Variants in ADAMTS6 observed in about 807,000 individuals in gnomAD.
The protein encoded by ADAMTS6 is A disintegrin and metalloproteinase with thrombospondin motifs 6.
A neutral mutation model predicts 144.3 loss-of-function variants in ADAMTS6; 23 were observed. That is an observed-to-expected ratio of 0.16 (90% CI 0.11 to 0.23). The LOEUF (loss-of-function observed/expected upper bound fraction) is 0.23, where lower values mean the gene tolerates loss of function less well. ADAMTS6 is among the 10% of genes least tolerant of loss of function. The probability of loss-of-function intolerance (pLI) is 1.00; values close to 1 mark genes in which losing one functional copy is unlikely to be tolerated. For missense variants in ADAMTS6, 999 were observed against 1,379.6 expected (o/e 0.72, Z 4.37); for synonymous variants, 444 against 457.5 (o/e 0.97, Z 0.38).
intron 20 of ADAMTS6, among the ~76,000 whole-genome samples, chr5:65,208,607 C>A (rs1756283189): frequency 6.6e-6 from 1 of 152,078 alleles, no homozygotes; most frequent in African/African-American, 2.4e-5. Flanking sequence ...TTGATTTCAG[C>A]AAATTACTTG....
At chr5:65,236,949 A>C (rs1208110009) in intron 15 of ADAMTS6, among the ~76,000 whole-genome samples, 1 of 152,148 alleles carries the variant, frequency 6.6e-6, no homozygotes, top group Non-Finnish European at 1.5e-5. Context: ...GAAAACACAA[A>C]TTATCAATAC....
chr5:65,299,001 T>C (rs1284195265), intron 10 of ADAMTS6, among the ~76,000 whole-genome samples: 1 of 152,098 alleles, frequency 6.6e-6, no homozygotes, highest in East Asian at 1.9e-4. Context: ...AGAGCCAATT[T>C]TTAAGAAGAA....
intron 11 of ADAMTS6, among the ~76,000 whole-genome samples, chr5:65,278,480 GACA>G (rs979534585): frequency 1.3e-5 from 2 of 152,104 alleles, no homozygotes; most frequent in African/African-American, 2.4e-5. Context: ...TCACATCCAT[GACA>G]ACATCTATTG....
At chr5:65,413,275 T>C (rs926788455) in intron 7 of ADAMTS6, among the ~76,000 whole-genome samples, 6 of 152,060 alleles carry the variant, frequency 3.9e-5, no homozygotes, top group African/African-American at 1.2e-4. Context: ...TTCAAGAAAG[T>C]GAATAAATGA....
At chr5:65,218,657 A>G (rs775177942) in intron 18 of ADAMTS6, among the ~76,000 whole-genome samples, 3 of 152,218 alleles carry the variant, frequency 2.0e-5, no homozygotes, top group Non-Finnish European at 4.4e-5. Flanking sequence ...GGAAACTGAG[A>G]TCTATACAAA....
intron 14 of ADAMTS6, among the ~76,000 whole-genome samples, chr5:65,248,110 C>A (rs1247097155): frequency 6.6e-6 from 1 of 152,154 alleles, no homozygotes; most frequent in Non-Finnish European, 1.5e-5. Context: ...TGCTTCTATA[C>A]CCTCTTTTAA....
chr5:65,383,177 C>T (rs1434785935), intron 7 of ADAMTS6, among the ~76,000 whole-genome samples: 1 of 151,992 alleles, frequency 6.6e-6, no homozygotes, highest in Non-Finnish European at 1.5e-5. Flanking sequence ...ACACTTTTTG[C>T]TCCGACCCCA....
At position 65,459,594 on chromosome 5, in the gene ADAMTS6, A is replaced by G. The variant is rs181190518; in HGVS notation, c.631+576T>C. Among the ~76,000 whole-genome samples the G allele has an allele frequency of 3.9e-5, 6 of 152,282 alleles. No individual in the cohort carries two copies. In the East Asian group the frequency reaches 9.6e-4, roughly 24 times the overall value. On this transcript the variant is annotated intron_variant, in intron 4 of 24. Coordinates refer to ENST00000381055, the MANE Select transcript of ADAMTS6 (RefSeq NM_197941.4). Reference sequence around the variant, plus strand: ...GAGCTTCATAAACACTATTTCCTCTATGTGAAACACTAATAGCCACTGCTT... The same window carrying G: ...GAGCTTCATAAACACTATTTCCTCTGTGTGAAACACTAATAGCCACTGCTT...
intron 7 of ADAMTS6, among the ~76,000 whole-genome samples, chr5:65,421,287 C>T (rs541871102): frequency 6.6e-6 from 1 of 152,246 alleles, no homozygotes; most frequent in East Asian, 1.9e-4. Context: ...TCAGCATTTG[C>T]TTGTCTGAAA....
At chr5:65,205,750 C>G (rs1204094673) in intron 20 of ADAMTS6, among the ~76,000 whole-genome samples, 1 of 152,264 alleles carries the variant, frequency 6.6e-6, no homozygotes, top group East Asian at 1.9e-4. Flanking sequence ...TGTTAGCTGT[C>G]AGGAAAGAAG....
Position 65,260,583 on chromosome 5 carries a change from A to G in ADAMTS6, c.1830+17T>C, listed in dbSNP as rs768457356. 1.1e-4 allele frequency: 181 copies of G among 1,609,340 alleles called. No individual in the cohort carries two copies. Among genetic ancestry groups the G allele is most frequent in the Non-Finnish European group, 1.4e-4 (166 of 1,177,716 alleles). On this transcript the variant is annotated intron_variant, in intron 14 of 24. Transcript: ENST00000381055. ...AGAGTAAGCTAATTTTTCATAACAG[A>G]GTTTGGTTTTACTTACATCTGTGTT...
At chr5:65,174,307 C>T (rs1009761396) in intron 22 of ADAMTS6, among the ~76,000 whole-genome samples, 8 of 152,120 alleles carry the variant, frequency 5.3e-5, no homozygotes, top group East Asian at 1.9e-4. Context: ...GTTCCCTGAC[C>T]GGGAAGCGAG....
intron 14 of ADAMTS6, among the ~76,000 whole-genome samples, chr5:65,255,140 AC>A (rs1188061747): frequency 6.6e-6 from 1 of 152,184 alleles, no homozygotes; most frequent in Non-Finnish European, 1.5e-5. Context: ...GGTGACCCTA[AC>A]CCCATTTTAG....
At position 65,151,964 on chromosome 5, in the gene ADAMTS6, A is replaced by T. The variant is rs866995435; in HGVS notation, c.3245-19T>A. 1 of 1,598,320 alleles carries T rather than the reference A, an allele frequency of 6.3e-7. No individual in the cohort carries two copies. The highest frequency in any genetic ancestry group is 1.3e-5 in the African/African-American group (1 of 74,716). On this transcript the variant is annotated intron_variant, in intron 24 of 24. Coordinates refer to ENST00000381055, the MANE Select transcript of ADAMTS6 (RefSeq NM_197941.4). ...TTGCACTCTAACGAATGGGGGCAGA[A>T]AATGGAAAACAATTAGAGGCACATA...
At position 65,178,380 on chromosome 5, in the gene ADAMTS6, T is replaced by A. The variant is rs553596574; in HGVS notation, c.2911-5372A>T. Among the ~76,000 whole-genome samples, 15 of 152,234 alleles carry A rather than the reference T, an allele frequency of 9.9e-5. No homozygotes were observed. The East Asian group carries it at 2.9e-3, about 29-fold the overall frequency. On this transcript the variant is annotated intron_variant, in intron 22 of 24. Coordinates refer to ENST00000381055, the MANE Select transcript of ADAMTS6 (RefSeq NM_197941.4). ...AAATCAAATAGAGGCAGGATTTGAGTCAATATTTTGGTGGGTGACAGTTAA... is the reference window on the plus strand; with the variant it reads ...AAATCAAATAGAGGCAGGATTTGAGACAATATTTTGGTGGGTGACAGTTAA...
At chr5:65,386,951 G>C (rs1752524293) in intron 7 of ADAMTS6, among the ~76,000 whole-genome samples, 1 of 152,174 alleles carries the variant, frequency 6.6e-6, no homozygotes, top group Admixed American at 6.5e-5. Context: ...CCAAAGATAA[G>C]CACAAAATGA....
At chr5:65,237,636 A>C (rs925288393) in intron 15 of ADAMTS6, among the ~76,000 whole-genome samples, 2 of 152,164 alleles carry the variant, frequency 1.3e-5, no homozygotes, top group Admixed American at 1.3e-4. Context: ...AACTTAGCAA[A>C]GACATCATAA....
intron 7 of ADAMTS6, among the ~76,000 whole-genome samples, chr5:65,395,416 T>A (rs747040018): frequency 2.1e-4 from 32 of 152,088 alleles, no homozygotes; most frequent in Non-Finnish European, 4.3e-4. Context: ...CCACAGGAAA[T>A]TTTTTTAACA....
At chr5:65,339,861 A>G (rs961424669) in intron 7 of ADAMTS6, among the ~76,000 whole-genome samples, 2 of 152,088 alleles carry the variant, frequency 1.3e-5, no homozygotes, top group African/African-American at 4.8e-5. Context: ...TATAGGATTT[A>G]TGGAACACTA....
Sources: gnomAD v4.1 joint callset for allele counts (sites outside exome capture counted in the v4.1 genomes callset) on GRCh38, gnomAD v4.1.1 for gene constraint, MANE v1.5 for transcripts, NCBI Gene and HGNC (gene_info 2026-07-23, HGNC 2026-07-21) for gene names.